SEMA6A: variants seen among roughly 807,000 people sequenced by gnomAD.
SEMA6A encodes semaphorin-6A.
A neutral mutation model predicts 96.8 loss-of-function variants in SEMA6A; 25 were observed. The ratio of observed to expected loss-of-function variants is 0.26; its 90% CI spans 0.19 to 0.36. The LOEUF (loss-of-function observed/expected upper bound fraction) is 0.36. Among genes scored for constraint, SEMA6A ranks in the 10% least tolerant of loss-of-function variants. The pLI is 1.00. For synonymous variants in SEMA6A, 612 were observed against 518.0 expected (o/e 1.18, Z -2.46); for missense variants, 1,363 against 1,323.1 (o/e 1.03, Z -0.47).
chr5:116,539,192 G>T (rs542367804), intron 1 of SEMA6A, among the ~76,000 whole-genome samples: 84 of 152,282 alleles, frequency 5.5e-4, no homozygotes, highest in African/African-American at 1.9e-3. Flanking sequence ...TTTCTCAACA[G>T]GCTTTTAGCT....
At chr5:116,526,065 G>A (rs77102221) in intron 1 of SEMA6A, among the ~76,000 whole-genome samples, 2,975 of 143,100 alleles carry the variant, frequency 0.021, 32 homozygotes, top group African/African-American at 0.026. Flanking sequence ...TTCACTCTTC[G>A]ATTGACTTGG....
Position 116,447,057 on chromosome 5 carries a change from C to G in SEMA6A, c.2649G>C (p.Gln883His). 6.2e-7 allele frequency: 1 copy of G among 1,613,972 alleles called. No individual in the cohort carries two copies. Among genetic ancestry groups the G allele is most frequent in the African/African-American group, 1.3e-5 (1 of 75,048 alleles). Residue 883 changes from glutamine (Q) to histidine (H), a missense_variant, in exon 19 of 19, where the codon CAG becomes CAC. By Grantham distance (24) the Gln-to-His change is conservative. Transcript: ENST00000343348. ...NLDSLPPKVP[Q>H]REASLGPPGA... ...CCGGGGGACCCAGGGAGGCCTCCCGCTGTGGAACTTTGGGGGGCAGGCTGT... is the reference window on the plus strand; with the variant it reads ...CCGGGGGACCCAGGGAGGCCTCCCGGTGTGGAACTTTGGGGGGCAGGCTGT...
At chr5:116,564,818 G>A (rs1760963853) in intron 1 of SEMA6A, among the ~76,000 whole-genome samples, 1 of 152,170 alleles carries the variant, frequency 6.6e-6, no homozygotes, top group Non-Finnish European at 1.5e-5. Flanking sequence ...TGAGCCTTTT[G>A]TTGCAAAATA....
intron 1 of SEMA6A, among the ~76,000 whole-genome samples, chr5:116,536,896 C>CAAAAAAAAAAAAAAAA (rs1344678482): frequency 1.1e-3 from 85 of 80,044 alleles, no homozygotes; most frequent in South Asian, 1.3e-3. Flanking sequence ...AAAAAAAAAG[C>CAAAAAAAAAAAAAAAA]AAAACTGGTG....
intron 1 of SEMA6A, among the ~76,000 whole-genome samples, chr5:116,551,388 T>C (rs1056063586): frequency 1.0e-4 from 15 of 150,360 alleles, no homozygotes; most frequent in African/African-American, 3.7e-4. Context: ...AGCAGAAGAT[T>C]TACCTTTACA....
intron 18 of SEMA6A, among the ~76,000 whole-genome samples, chr5:116,462,658 C>T (rs1755484834): frequency 6.6e-6 from 1 of 152,196 alleles, no homozygotes; most frequent in South Asian, 2.1e-4. Flanking sequence ...AATTACAACA[C>T]TTGGAGTGAC....
At chr5:116,476,155 G>A (rs1302925165) in intron 15 of SEMA6A, among the ~76,000 whole-genome samples, 2 of 152,004 alleles carry the variant, frequency 1.3e-5, no homozygotes, top group South Asian at 2.1e-4. Flanking sequence ...TCCCAGCCCT[G>A]CCCCAGTCCT....
intron 18 of SEMA6A, 65 bp from the exon 19 acceptor site, chr5:116,447,876 G>A (rs1326282134): frequency 7.6e-7 from 1 of 1,318,228 alleles, no homozygotes; most frequent in African/African-American, 1.5e-5. Flanking sequence ...TTTTTGCTTG[G>A]CATTCACCTT....
At chr5:116,542,089 T>G (rs11746150) in intron 1 of SEMA6A, among the ~76,000 whole-genome samples, 16,720 of 152,146 alleles carry the variant, frequency 0.11, 1,358 homozygotes, top group African/African-American at 0.23. Flanking sequence ...ATCAGGCATT[T>G]TGTCTCTTTG....
chr5:116,448,429 T>C (rs1361872917), intron 18 of SEMA6A, among the ~76,000 whole-genome samples: 1 of 151,866 alleles, frequency 6.6e-6, no homozygotes, highest in African/African-American at 2.4e-5. Flanking sequence ...ATATGGGAGG[T>C]TTTGGCTTTC....
At chr5:116,459,071 G>T (rs1755203124) in intron 18 of SEMA6A, among the ~76,000 whole-genome samples, 1 of 152,090 alleles carries the variant, frequency 6.6e-6, no homozygotes, top group African/African-American at 2.4e-5. Flanking sequence ...ATAAACAGTG[G>T]CATCCTGGAT....
At chr5:116,461,458 T>A (rs895703129) in intron 18 of SEMA6A, among the ~76,000 whole-genome samples, 3 of 142,392 alleles carry the variant, frequency 2.1e-5, no homozygotes, top group African/African-American at 7.7e-5. Flanking sequence ...TTAGTATGAG[T>A]TTTTTTTTTC....
chr5:116,448,243 G>A (rs2112576472), intron 18 of SEMA6A, among the ~76,000 whole-genome samples: 1 of 151,808 alleles, frequency 6.6e-6, no homozygotes, highest in South Asian at 2.1e-4. Context: ...GTACTCCGGA[G>A]GCTGAGGTAG....
intron 1 of SEMA6A, among the ~76,000 whole-genome samples, chr5:116,571,342 A>G (rs947749789): frequency 6.6e-6 from 1 of 152,210 alleles, no homozygotes; most frequent in South Asian, 2.1e-4. Flanking sequence ...TGTGGATTAT[A>G]TGCGTTATTG....
chr5:116,528,850 G>T (rs1339775414), intron 1 of SEMA6A, among the ~76,000 whole-genome samples: 2 of 152,220 alleles, frequency 1.3e-5, no homozygotes. Flanking sequence ...CTACCGCTGT[G>T]AATGGCTGTA....
chr5:116,475,333 G>C (rs1397452572), intron 16 of SEMA6A, among the ~76,000 whole-genome samples: 2 of 152,180 alleles, frequency 1.3e-5, no homozygotes, highest in African/African-American at 4.8e-5. Flanking sequence ...TAGAATTAAT[G>C]AAATAGGTGC....
At chr5:116,518,406 T>G (rs1361812792) in intron 1 of SEMA6A, among the ~76,000 whole-genome samples, 2 of 152,222 alleles carry the variant, frequency 1.3e-5, no homozygotes, top group East Asian at 3.8e-4. Context: ...TATCACCAAT[T>G]AACCCCTAAA....
intron 7 of SEMA6A, 152 bp from the exon 8 acceptor site, chr5:116,489,159 C>T (rs1757209199): frequency 2.3e-6 from 2 of 872,370 alleles, no homozygotes; most frequent in Non-Finnish European, 3.3e-6. Context: ...AAACTCTTGG[C>T]CCACATTCCT....
chr5:116,501,514 G>A (rs1341345606), intron 3 of SEMA6A, among the ~76,000 whole-genome samples: 1 of 152,080 alleles, frequency 6.6e-6, no homozygotes, highest in Non-Finnish European at 1.5e-5. Flanking sequence ...TATGTTAACT[G>A]CAAAAATACA....
Sources: allele counts gnomAD v4.1 joint callset (sites outside exome capture counted in the v4.1 genomes callset), GRCh38; gene constraint gnomAD v4.1.1; transcripts MANE v1.5; gene names NCBI Gene and HGNC (gene_info 2026-07-23, HGNC 2026-07-21).